Variants in AMELX observed in about 807,000 individuals in gnomAD.
The protein encoded by AMELX is amelogenin, X isoform.
A neutral mutation model predicts 15.8 loss-of-function variants in AMELX; 9 were observed. The ratio of observed to expected loss-of-function variants is 0.57; its 90% CI spans 0.34 to 0.99. The LOEUF is 0.99. Ranked by LOEUF, AMELX falls within the 50% of genes least tolerant of loss-of-function variation. The pLI is 0.02. For missense variants in AMELX, 107 were observed against 156.2 expected, an observed-to-expected ratio of 0.68 and a Z score of 1.68; for synonymous variants, 61 against 58.8, an observed-to-expected ratio of 1.04 and a Z score of -0.17.
chrX:11,304,253 C>T (rs1018789316), downstream of AMELX, among the ~76,000 whole-genome samples: 5 of 110,383 alleles, frequency 4.5e-5, no homozygotes, highest in Non-Finnish European at 9.5e-5. Context: ...CCACACCCAG[C>T]TAATTTTTGT....
chrX:11,296,883 C>T (rs1404956640), intron 3 of AMELX, 57 bp downstream of exon 3: 14 of 1,150,658 alleles, frequency 1.2e-5, no homozygotes, highest in Non-Finnish European at 4.8e-6. Context: ...GCCCTGGGCT[C>T]TGTAAAGAAT....
intron 5 of AMELX, among the ~76,000 whole-genome samples, chrX:11,300,057 T>C (rs889122731): frequency 5.4e-5 from 6 of 112,116 alleles, no homozygotes; most frequent in African/African-American, 1.6e-4. Flanking sequence ...GAAAATTGAT[T>C]GAATCCCAAG....
the AMELX span, among the ~76,000 whole-genome samples, chrX:11,306,490 TTA>T: frequency 3.6e-5 from 4 of 112,544 alleles, no homozygotes; most frequent in Admixed American, 3.8e-4. Flanking sequence ...ACTGGGCTTA[TTA>T]TATTTCAGGC....
downstream of AMELX, among the ~76,000 whole-genome samples, chrX:11,303,632 C>T (rs2048198660): frequency 8.9e-6 from 1 of 112,021 alleles, no homozygotes; most frequent in Admixed American, 9.5e-5. Flanking sequence ...TTCCTCCAAA[C>T]AGCCAAATTT....
chrX:11,298,616 A>G lies in AMELX; in HGVS notation c.213A>G (p.Gln71=). ...ACCAAATCATCCCCGTGCTGTCCCA[A>G]CAGCACCCCCCGACTCACACCCTGC... The part of the protein sequence containing the change: ...LHHQIIPVLS[Q]QHPPTHTLQP... Residue 71 remains glutamine, a synonymous_variant, in exon 5 of 6, where the codon CAA becomes CAG. Transcript: ENST00000380714. The G allele has an allele frequency of 8.3e-7, 1 of 1,210,695 alleles. No individual in the cohort carries two copies. Among genetic ancestry groups the G allele is most frequent in the South Asian group, 1.8e-5 (1 of 56,897 alleles).
chrX:11,309,284 C>G, the AMELX span, among the ~76,000 whole-genome samples: 4 of 111,592 alleles, frequency 3.6e-5, no homozygotes, highest in African/African-American at 6.5e-5. Flanking sequence ...GCAGCAGCTC[C>G]AGGCAGTAGC....
At chrX:11,295,765 G>A (rs914287537) in intron 2 of AMELX, among the ~76,000 whole-genome samples, 10 of 112,086 alleles carry the variant, frequency 8.9e-5, no homozygotes, top group South Asian at 3.7e-4. Context: ...TTGTTCAAGA[G>A]GGTATAGGAC....
the AMELX span, among the ~76,000 whole-genome samples, chrX:11,309,229 C>T: frequency 8.9e-6 from 1 of 111,853 alleles, no homozygotes; most frequent in African/African-American, 3.3e-5. Context: ...GAAATACACA[C>T]ACCGTATCTT....
At chrX:11,298,073 C>A (rs1423719054) in intron 3 of AMELX, 163 bp from the exon 4 acceptor site, 32 of 1,206,512 alleles carry the variant, frequency 2.7e-5, no homozygotes, top group Admixed American at 4.4e-5. Flanking sequence ...AAGCACCCAA[C>A]AAATTTTTAC....
chrX:11,302,624 C>T (rs2048186507), downstream of AMELX, among the ~76,000 whole-genome samples: 1 of 110,578 alleles, frequency 9.0e-6, no homozygotes, highest in Non-Finnish European at 1.9e-5. Context: ...ACGTTACACA[C>T]ACTCACACAC....
chrX:11,298,765 C>T lies in AMELX; in HGVS notation c.362C>T (p.Pro121Leu), dbSNP rs771933695. 1.2e-5 allele frequency: 15 copies of T among 1,208,780 alleles called. No homozygotes were observed. The highest frequency in any genetic ancestry group is 7.0e-5 in the African/African-American group (4 of 56,768). ...CAACACCACCAGCCAAACCTCCCTC[C>T]GCCCGCCCAGCAGCCCTACCAGCCC... is the stretch of plus-strand genomic sequence containing the variant. ...PIQHHQPNLP[P>L]PAQQPYQPQP... Residue 121 changes from proline to leucine, a missense_variant, in exon 5 of 6, where the codon CCG becomes CTG. Pro to Leu is a moderately conservative substitution (Grantham distance 98). Transcript: ENST00000380714.
chrX:11,293,784 TTTTA>T (rs759784894), intron 1 of AMELX, among the ~76,000 whole-genome samples: 1 of 112,389 alleles, frequency 8.9e-6, no homozygotes, highest in South Asian at 3.6e-4. Flanking sequence ...TTGAAAAGCT[TTTTA>T]TTTAATTACA....
chrX:11,294,681 C>T (rs949745077), intron 1 of AMELX, 96 bp from the exon 2 acceptor site: 25 of 906,251 alleles, frequency 2.8e-5, no homozygotes, highest in Non-Finnish European at 4.0e-5. Flanking sequence ...TTCTTACTAG[C>T]AATAGACTAA....
downstream of AMELX, among the ~76,000 whole-genome samples, chrX:11,301,427 A>G (rs992041608): frequency 2.7e-5 from 3 of 111,612 alleles, no homozygotes; most frequent in African/African-American, 6.5e-5. Flanking sequence ...TCTCACTCAT[A>G]TTTATATTTG....
chrX:11,309,536 C>A, the AMELX span, among the ~76,000 whole-genome samples: 1 of 110,563 alleles, frequency 9.0e-6, no homozygotes, highest in Non-Finnish European at 1.9e-5. Flanking sequence ...GCTGAAAGCC[C>A]CCAAGCACCC....
At chrX:11,306,275 G>A in the AMELX span, among the ~76,000 whole-genome samples, 1 of 112,224 alleles carries the variant, frequency 8.9e-6, no homozygotes, top group Admixed American at 9.4e-5. Flanking sequence ...GGTTTCCCAG[G>A]ATATGTTGAC....
intron 3 of AMELX, chrX:11,297,952 A>G: frequency 1.2e-5 from 7 of 566,818 alleles, no homozygotes; most frequent in Non-Finnish European, 1.2e-5. Flanking sequence ...AATCTCTTTA[A>G]CTCCCCATAA....
At chrX:11,302,025 A>AAACCAGAG (rs1290396395), downstream of AMELX, among the ~76,000 whole-genome samples, 1 of 112,512 alleles carries the variant, frequency 8.9e-6, no homozygotes, top group East Asian at 2.8e-4. Flanking sequence ...GGAATGTTTC[A>AAACCAGAG]AACCAGAGAC....
Position 11,294,845 on chromosome X carries a change from G to A in AMELX, c.54+3G>A. On this transcript the variant is annotated splice_donor_region_variant and intron_variant, in intron 2 of 5. Transcript: ENST00000380714. ...TGGGAGCAGCTTTTGCCATGCCTGT[G>A]AGTAAAACACCCCTTGCATAAGTCA... 8.3e-7 allele frequency: 1 copy of A among 1,210,888 alleles called. No individual in the cohort carries two copies. The highest frequency in any genetic ancestry group is 1.1e-6 in the Non-Finnish European group (1 of 894,729).
Sources: allele counts gnomAD v4.1 joint callset (sites outside exome capture counted in the v4.1 genomes callset), GRCh38; gene constraint gnomAD v4.1.1; transcripts MANE v1.5; gene names NCBI Gene and HGNC (gene_info 2026-07-23, HGNC 2026-07-21).